Variants in DR1 observed in about 807,000 individuals in gnomAD.
DR1 encodes protein Dr1.
In DR1, 7 loss-of-function variants were observed where a neutral mutation model predicts 19.9. That is an observed-to-expected ratio of 0.35 (90% CI 0.20 to 0.66). DR1 has a LOEUF of 0.66. Ranked by LOEUF, DR1 falls within the 30% of genes least tolerant of loss-of-function variation. The pLI, the probability that DR1 is intolerant of heterozygous loss-of-function variation, is 0.66. For synonymous variants in DR1, 76 were observed against 72.5 expected (o/e 1.05, Z -0.24); for missense variants, 98 against 203.7 (o/e 0.48, Z 3.16).
intron 2 of DR1, among the ~76,000 whole-genome samples, chr1:93,356,504 A>G (rs1666986899): frequency 6.6e-6 from 1 of 152,184 alleles, no homozygotes. Context: ...ATTAAATTTG[A>G]AATGTAACTA....
chr1:93,355,045 A>G (rs1449159564), intron 2 of DR1: 7 of 152,192 alleles, frequency 4.6e-5, no homozygotes, highest in Admixed American at 1.3e-4. Context: ...TATAATTCAT[A>G]TGAATATGAG....
rs941876209 is a variant in DR1 at position 93,367,141 on chromosome 1, C to A, written c.*6502C>A. 3 of 117,462 alleles carry A rather than the reference C, an allele frequency of 2.6e-5. No homozygotes were observed. The highest frequency in any genetic ancestry group is 9.1e-5 in the African/African-American group (3 of 32,920). The allele number at this position is 117,462 out of a possible 1,614,324, so 7.3% of individuals were successfully genotyped here. A position where few individuals can be genotyped will look rare whatever the true frequency, so the allele number is the denominator to read the frequency against. On this transcript the variant is annotated 3_prime_UTR_variant, in exon 3 of 3. Transcript: ENST00000370272. Reference sequence around the variant, plus strand: ...TTCCAGCCTGGGTGACAGAATGAGACCCTGTCTCAAAAAAAAAAAAAAAAA... The same window carrying A: ...TTCCAGCCTGGGTGACAGAATGAGAACCTGTCTCAAAAAAAAAAAAAAAAA...
rs1240242053 is a variant in DR1, at chr1:93,362,238, TC to T, written c.*1600del. ...CTGAATGTTTTAAGTTGAAGTTACT[TC>T]ATGGATGTCATACCCATGAAGTGCA... On this transcript the variant is annotated 3_prime_UTR_variant, in exon 3 of 3. Coordinates refer to ENST00000370272, the MANE Select transcript of DR1 (RefSeq NM_001938.3). The T allele has an allele frequency of 1.3e-5, 2 of 152,462 alleles. No homozygotes were observed. Among genetic ancestry groups the T allele is most frequent in the Non-Finnish European group, 2.9e-5 (2 of 67,868 alleles). 9.4% of individuals were successfully genotyped at this position (152,462 alleles called of 1,614,324 possible). A position where few individuals can be genotyped will look rare whatever the true frequency, so the allele number is the denominator to read the frequency against.
chr1:93,368,046 G>A lies in DR1; in HGVS notation c.*7407G>A, dbSNP rs1667188459. ...CAAAAAAAGAAATTACATTAGTTGA[G>A]GACCTGCTGTATGTGATATGAACAA... On this transcript the variant is annotated 3_prime_UTR_variant, in exon 3 of 3. Transcript: ENST00000370272. The A allele has an allele frequency of 6.6e-6, 1 of 152,110 alleles. No individual in the cohort carries two copies. Among genetic ancestry groups the A allele is most frequent in the Admixed American group, 6.6e-5 (1 of 15,262 alleles). 9.4% of individuals were successfully genotyped at this position (152,110 alleles called of 1,614,324 possible). A position where few individuals can be genotyped will look rare whatever the true frequency, so the allele number is the denominator to read the frequency against.
chr1:93,365,898 C>A lies in DR1; in HGVS notation c.*5259C>A, dbSNP rs1318887515. The A allele has an allele frequency of 6.6e-6, 1 of 152,166 alleles. No individual in the cohort carries two copies. Among genetic ancestry groups the A allele is most frequent in the African/African-American group, 2.4e-5 (1 of 41,440 alleles). 9.4% of individuals were successfully genotyped at this position (152,166 alleles called of 1,614,324 possible). ...GTATGCTATTTCATAACTAGTACAT[C>A]TTTTAATAAGCATTTTTTATTGTGA... On this transcript the variant is annotated 3_prime_UTR_variant, in exon 3 of 3. Transcript: ENST00000370272.
chr1:93,351,929 T>A (rs1316672776), intron 1 of DR1, among the ~76,000 whole-genome samples: 1 of 152,218 alleles, frequency 6.6e-6, no homozygotes, highest in African/African-American at 2.4e-5. Context: ...CTTTTAAATT[T>A]AAAATAAAAA....
rs1285538411 is a variant in DR1 at position 93,362,190 on chromosome 1, A to G, written c.*1551A>G. On this transcript the variant is annotated 3_prime_UTR_variant, in exon 3 of 3. Coordinates refer to ENST00000370272, the MANE Select transcript of DR1 (RefSeq NM_001938.3). ...TACATTTATTAAATATACTTCCCCC[A>G]TGAAGTGAAAAGGTTAATTTTGCTG... 1.3e-5 allele frequency: 2 copies of G among 152,476 alleles called. No individual in the cohort carries two copies. The highest frequency in any genetic ancestry group is 2.9e-5 in the Non-Finnish European group (2 of 67,888). The allele number at this position is 152,476 out of a possible 1,614,324, so 9.4% of individuals were successfully genotyped here.
chr1:93,363,526 G>A lies in DR1; in HGVS notation c.*2887G>A, dbSNP rs1667082290. 6.6e-6 allele frequency: 1 copy of A among 152,204 alleles called. No individual in the cohort carries two copies. The highest frequency in any genetic ancestry group is 2.4e-5 in the African/African-American group (1 of 41,440). 9.4% of individuals were successfully genotyped at this position (152,204 alleles called of 1,614,324 possible). A position where few individuals can be genotyped will look rare whatever the true frequency, so the allele number is the denominator to read the frequency against. On this transcript the variant is annotated 3_prime_UTR_variant, in exon 3 of 3. Transcript: ENST00000370272. The stretch of plus-strand genomic sequence containing the variant: ...CTTTTTTGGCTTCCAGTGACGGCCT[G>A]TATTTATGGGCTTGTGACCCCTTCC...
chr1:93,354,673 C>T (rs1369196773), intron 2 of DR1, among the ~76,000 whole-genome samples: 2 of 152,128 alleles, frequency 1.3e-5, no homozygotes, highest in Non-Finnish European at 2.9e-5. Context: ...TCTGGCCTCT[C>T]ATTTGAAATT....
intron 1 of DR1, among the ~76,000 whole-genome samples, chr1:93,348,785 A>C (rs1557744791): frequency 6.6e-6 from 1 of 152,040 alleles, no homozygotes; most frequent in African/African-American, 2.4e-5. Flanking sequence ...GCTATTCTTA[A>C]AAGTGGTTAA....
In DR1 at chr1:93,360,714, A is replaced by T. The variant is rs2101640286; in HGVS notation, c.*75A>T. The T allele has an allele frequency of 6.6e-7, 1 of 1,516,146 alleles. No homozygotes were observed. The highest frequency in any genetic ancestry group is 1.4e-5 in the African/African-American group (1 of 70,266). The allele number at this position is 1,516,146 out of a possible 1,614,324, so 93.9% of individuals were successfully genotyped here. A position where few individuals can be genotyped will look rare whatever the true frequency, so the allele number is the denominator to read the frequency against. On this transcript the variant is annotated 3_prime_UTR_variant, in exon 3 of 3. Transcript: ENST00000370272. The stretch of plus-strand genomic sequence containing the variant: ...AACAAAAACAGTGAAAGAAATGCTT[A>T]TCTGTAATTTTGTATGCATCTTGGT...
intron 1 of DR1, among the ~76,000 whole-genome samples, chr1:93,348,850 A>G (rs148523166): frequency 6.6e-6 from 1 of 152,192 alleles, no homozygotes; most frequent in Non-Finnish European, 1.5e-5. Flanking sequence ...GACTTTATAC[A>G]TTTATAATCT....
rs1666966774 is a variant in DR1, at chr1:93,355,339, A to C, written c.384+1268A>C. On this transcript the variant is annotated intron_variant, in intron 2 of 2. Coordinates refer to ENST00000370272, the MANE Select transcript of DR1 (RefSeq NM_001938.3). Reference sequence around the variant, plus strand: ...ATTACTATTTACCAAGCATCATGCTAGGTGCTAGGCTTACAAGAGTGAACA... The same window carrying C: ...ATTACTATTTACCAAGCATCATGCTCGGTGCTAGGCTTACAAGAGTGAACA... The C allele has an allele frequency of 3.9e-5, 6 of 152,230 alleles. No individual in the cohort carries two copies. In the South Asian group the frequency reaches 1.2e-3, roughly 31 times the overall value. The allele number at this position is 152,230 out of a possible 1,614,324, so 9.4% of individuals were successfully genotyped here.
At chr1:93,358,868 A>G (rs969177157) in intron 2 of DR1, among the ~76,000 whole-genome samples, 2 of 152,204 alleles carry the variant, frequency 1.3e-5, no homozygotes, top group Non-Finnish European at 2.9e-5. Context: ...GACTGATGCC[A>G]GGAGGAGAAA....
intron 2 of DR1, among the ~76,000 whole-genome samples, chr1:93,356,825 G>A (rs866571632): frequency 9.2e-5 from 14 of 151,558 alleles, no homozygotes; most frequent in African/African-American, 2.9e-4. Flanking sequence ...GGGTTCAAGC[G>A]ATTCTCCTGC....
chr1:93,365,702 G>C lies in DR1; in HGVS notation c.*5063G>C, dbSNP rs1042008378. On this transcript the variant is annotated 3_prime_UTR_variant, in exon 3 of 3. Coordinates refer to ENST00000370272, the MANE Select transcript of DR1 (RefSeq NM_001938.3). ...GAAATAGGTGATTTGGAAAGAGGAG[G>C]CCCAGGATTAAAATATGTTTCCAAG... 3.9e-5 allele frequency: 6 copies of C among 152,300 alleles called. No individual in the cohort carries two copies. Among genetic ancestry groups the C allele is most frequent in the African/African-American group, 1.4e-4 (6 of 41,546 alleles). The allele number at this position is 152,300 out of a possible 1,614,324, so 9.4% of individuals were successfully genotyped here.
At chr1:93,357,113 T>A (rs999851988) in intron 2 of DR1, among the ~76,000 whole-genome samples, 2 of 152,226 alleles carry the variant, frequency 1.3e-5, no homozygotes, top group African/African-American at 2.4e-5. Flanking sequence ...TAGAATCAAC[T>A]ATTTTTCCTA....
chr1:93,353,001 C>A (rs2101636825), intron 1 of DR1, among the ~76,000 whole-genome samples: 1 of 150,826 alleles, frequency 6.6e-6, no homozygotes, highest in South Asian at 2.1e-4. Context: ...CTTAAGCAAT[C>A]CTCTCACCTC....
intron 2 of DR1, among the ~76,000 whole-genome samples, chr1:93,356,981 C>T (rs1172875419): frequency 1.3e-5 from 2 of 152,184 alleles, no homozygotes; most frequent in African/African-American, 2.4e-5. Flanking sequence ...CTTGGCCTCC[C>T]ACAGTGCTGG....
Sources: gnomAD v4.1 joint callset for allele counts (sites outside exome capture counted in the v4.1 genomes callset) on GRCh38, gnomAD v4.1.1 for gene constraint, MANE v1.5 for transcripts, NCBI Gene and HGNC (gene_info 2026-07-23, HGNC 2026-07-21) for gene names.